SERPINI1: variants seen among roughly 807,000 people sequenced by gnomAD.
SERPINI1 encodes serpin family I member 1, also known as neuroserpin.
In SERPINI1, 19 loss-of-function variants were observed where a neutral mutation model predicts 41.1. The observed-to-expected ratio is 0.46, with a 90% CI of 0.32 to 0.68. SERPINI1 has a LOEUF of 0.68. Among genes scored for constraint, SERPINI1 ranks in the 30% least tolerant of loss-of-function variants. The pLI is 0.03. For missense variants in SERPINI1, 460 were observed against 479.2 expected, an observed-to-expected ratio of 0.96 and a Z score of 0.37; for synonymous variants, 138 against 156.6, an observed-to-expected ratio of 0.88 and a Z score of 0.89.
chr3:167,805,333 A>G (rs967295014), intron 5 of SERPINI1, among the ~76,000 whole-genome samples: 1 of 152,190 alleles, frequency 6.6e-6, no homozygotes, highest in African/African-American at 2.4e-5. Flanking sequence ...TGTTGACTGC[A>G]TAAATGTCTT....
At chr3:167,775,227 TA>T (rs1283116674) in intron 1 of SERPINI1, among the ~76,000 whole-genome samples, 1 of 28,336 alleles carries the variant, frequency 3.5e-5, no homozygotes, top group African/African-American at 2.3e-4. Context: ...AGTGTCACTT[TA>T]TTATTATTAT....
At chr3:167,790,890 A>C (rs182036398) in intron 3 of SERPINI1, among the ~76,000 whole-genome samples, 70 of 152,278 alleles carry the variant, frequency 4.6e-4, no homozygotes, top group African/African-American at 1.5e-3. Flanking sequence ...CACTTTATGA[A>C]ATTTTGCTTG....
At chr3:167,798,127 A>C (rs1216602518) in intron 5 of SERPINI1, among the ~76,000 whole-genome samples, 3 of 152,164 alleles carry the variant, frequency 2.0e-5, no homozygotes, top group African/African-American at 7.2e-5. Flanking sequence ...ATTCTAATTC[A>C]ACCATATTCA....
At chr3:167,760,751 G>A (rs1038234606) in intron 1 of SERPINI1, among the ~76,000 whole-genome samples, 2 of 152,108 alleles carry the variant, frequency 1.3e-5, no homozygotes. Context: ...GGTTTCAAAC[G>A]TGTTCAGATT....
intron 5 of SERPINI1, among the ~76,000 whole-genome samples, chr3:167,804,630 C>G (rs572398469): frequency 1.3e-5 from 2 of 152,234 alleles, no homozygotes; most frequent in African/African-American, 4.8e-5. Flanking sequence ...ACCAGAATTT[C>G]AAGATCAGCC....
At chr3:167,801,571 T>C (rs1260305535) in intron 5 of SERPINI1, among the ~76,000 whole-genome samples, 1 of 151,834 alleles carries the variant, frequency 6.6e-6, no homozygotes, top group African/African-American at 2.4e-5. Flanking sequence ...CTTAGCTCTT[T>C]TAAGCTTCAG....
intron 1 of SERPINI1, among the ~76,000 whole-genome samples, chr3:167,784,141 T>C (rs78205158): frequency 0.098 from 14,964 of 152,018 alleles, 769 homozygotes; most frequent in African/African-American, 0.11. Flanking sequence ...GCTTTTTTTT[T>C]CTATCTGACC....
intron 1 of SERPINI1, among the ~76,000 whole-genome samples, chr3:167,778,090 T>C (rs577343252): frequency 6.6e-6 from 1 of 152,346 alleles, no homozygotes; most frequent in African/African-American, 2.4e-5. Context: ...ACTTCTTTTC[T>C]TTATAAATTA....
intron 5 of SERPINI1, among the ~76,000 whole-genome samples, chr3:167,798,762 T>A (rs1361977327): frequency 6.6e-6 from 1 of 152,130 alleles, no homozygotes; most frequent in Admixed American, 6.6e-5. Context: ...CTGCATTTTC[T>A]CACTTATAAG....
At position 167,744,754 on chromosome 3, in the gene SERPINI1, TTA is replaced by T. The variant is rs1210256003; in HGVS notation, c.-19+8937_-19+8938del. Among the ~76,000 whole-genome samples, 12 of 114,202 alleles carry T rather than the reference TTA, an allele frequency of 1.1e-4. No individual in the cohort carries two copies. The Admixed American group carries it at 1.2e-3, about 12-fold the overall frequency. 74.9% of individuals were successfully genotyped at this position (114,202 alleles called of 152,430 possible). A position where few individuals can be genotyped will look rare whatever the true frequency, so the allele number is the denominator to read the frequency against. On this transcript the variant is annotated intron_variant, in intron 1 of 8. Transcript: ENST00000446050. ...ATATATATATTATATATAACTATAT[TTA>T]TATATTAAATATATATTATATATAA...
Position 167,825,266 on chromosome 3 carries a change from A to G in SERPINI1, c.1176A>G (p.Gly392=), listed in dbSNP as rs775874977. The G allele has an allele frequency of 3.7e-6, 6 of 1,612,934 alleles. No individual in the cohort carries two copies. In the East Asian group the frequency reaches 1.1e-4, roughly 30 times the overall value. ...NRRTGTILFM[G]RVMHPETMNT... ...ATACAGGTACAATTCTATTCATGGG[A>G]CGAGTCATGCATCCTGAAACAATGA... is the stretch of plus-strand genomic sequence containing the variant. The change falls in exon 9 of 9, where the codon GGA becomes GGG. Residue 392 remains glycine (G), a synonymous_variant. Coordinates refer to ENST00000446050, the MANE Select transcript of SERPINI1 (RefSeq NM_001122752.2).
At chr3:167,783,889 C>A (rs1727220575) in intron 1 of SERPINI1, among the ~76,000 whole-genome samples, 1 of 152,174 alleles carries the variant, frequency 6.6e-6, no homozygotes, top group South Asian at 2.1e-4. Flanking sequence ...AGAGTTCTTT[C>A]AGCTCTCTGA....
At chr3:167,790,918 G>C (rs1727485108) in intron 3 of SERPINI1, among the ~76,000 whole-genome samples, 1 of 151,926 alleles carries the variant, frequency 6.6e-6, no homozygotes, top group African/African-American at 2.4e-5. Flanking sequence ...TAATAAATTA[G>C]TTACTAGATA....
At chr3:167,801,402 G>A (rs1727894090) in intron 5 of SERPINI1, among the ~76,000 whole-genome samples, 1 of 152,052 alleles carries the variant, frequency 6.6e-6, no homozygotes, top group Non-Finnish European at 1.5e-5. Flanking sequence ...TATAATTTAT[G>A]AAATGTAAAA....
intron 1 of SERPINI1, among the ~76,000 whole-genome samples, chr3:167,744,745 T>C (rs1369875192): frequency 8.2e-6 from 1 of 122,394 alleles, no homozygotes; most frequent in Non-Finnish European, 1.7e-5. Flanking sequence ...ATATTATATA[T>C]AACTATATTT....
intron 3 of SERPINI1, among the ~76,000 whole-genome samples, chr3:167,790,808 A>G (rs562122890): frequency 2.3e-4 from 35 of 152,304 alleles, no homozygotes; most frequent in African/African-American, 3.6e-4. Context: ...ATCTTTTGGC[A>G]TATATAGAAT....
rs575136416 is a variant in SERPINI1, at chr3:167,789,704, CA to C, written c.250+329del. On this transcript the variant is annotated intron_variant, in intron 2 of 8. Transcript: ENST00000446050. ...TATCGCACAAATAAATGAAAAATTACAAATATGATGAGTACTACAAAGAAAG... is the reference window on the plus strand; with the variant it reads ...TATCGCACAAATAAATGAAAAATTACAATATGATGAGTACTACAAAGAAAG... 2.1e-3 allele frequency among the ~76,000 whole-genome samples: 319 copies of C among 152,166 alleles called. 1 individual carries two copies. The highest frequency in any genetic ancestry group is 7.2e-3 in the African/African-American group (300 of 41,532).
Position 167,745,923 on chromosome 3 carries a change from T to C in SERPINI1, c.-19+10100T>C, listed in dbSNP as rs146495374. ...ACAAAGAAATTAAAGAAGACCTAAG[T>C]AAATTGAAAAGTATCTCATGTTCAT... On this transcript the variant is annotated intron_variant, in intron 1 of 8. Transcript: ENST00000446050. Among the ~76,000 whole-genome samples the C allele has an allele frequency of 5.9e-5, 9 of 152,222 alleles. No homozygotes were observed. In the East Asian group the frequency reaches 1.7e-3, roughly 29 times the overall value.
At chr3:167,764,462 G>A (rs140753611) in intron 1 of SERPINI1, among the ~76,000 whole-genome samples, 39 of 152,220 alleles carry the variant, frequency 2.6e-4, no homozygotes, top group African/African-American at 9.2e-4. Flanking sequence ...CATGACACAT[G>A]TTCACTATCA....
Sources: gnomAD v4.1 joint callset for allele counts (sites outside exome capture counted in the v4.1 genomes callset) on GRCh38, gnomAD v4.1.1 for gene constraint, MANE v1.5 for transcripts, NCBI Gene and HGNC (gene_info 2026-07-23, HGNC 2026-07-21) for gene names.